Variants in BLM observed in about 807,000 individuals in gnomAD.
The protein encoded by BLM is recQ-like DNA helicase BLM.
In BLM, 95 loss-of-function variants were observed where a neutral mutation model predicts 135.3. The ratio of observed to expected loss-of-function variants is 0.70; its 90% CI spans 0.59 to 0.83. The LOEUF is 0.83. BLM is among the 40% of genes least tolerant of loss of function. The probability of loss-of-function intolerance (pLI) is 0.00; values close to 1 mark genes in which losing one functional copy is unlikely to be tolerated. For synonymous variants in BLM, 520 were observed against 589.2 expected (o/e 0.88, Z 1.70); for missense variants, 1,518 against 1,663.9 (o/e 0.91, Z 1.53).
At position 90,747,668 on chromosome 15, in the gene BLM, T is replaced by C. The variant is rs1895540709; in HGVS notation, c.98+178T>C. 5 of 594,146 alleles carry C rather than the reference T, an allele frequency of 8.4e-6. No individual in the cohort carries two copies. In the South Asian group the frequency reaches 1.0e-4, roughly 12 times the overall value. The allele number at this position is 594,146 out of a possible 1,614,324, so 36.8% of individuals were successfully genotyped here. A position where few individuals can be genotyped will look rare whatever the true frequency, so the allele number is the denominator to read the frequency against. On this transcript the variant is annotated intron_variant, in intron 2 of 21. Coordinates refer to ENST00000355112, the MANE Select transcript of BLM (RefSeq NM_000057.4). ...TATGTTTTAGCAGCACCAGGTGAGA[T>C]TGTGTCTCATCTTTGCATGGTTCCT...
At chr15:90,798,381 T>G (rs1383281025) in intron 17 of BLM, 44 bp downstream of exon 17, 1 of 1,591,124 alleles carries the variant, frequency 6.3e-7, no homozygotes, top group African/African-American at 1.3e-5. Flanking sequence ...CAATTGAAAT[T>G]GAACATCTAA....
rs575389544 is a variant in BLM at position 90,720,221 on chromosome 15, G to C, written c.-5+2781G>C. Among the ~76,000 whole-genome samples the C allele has an allele frequency of 3.2e-4, 48 of 152,200 alleles. 3 individuals are homozygous for C. The South Asian group carries it at 1.0e-2, about 32-fold the overall frequency. On this transcript the variant is annotated intron_variant, in intron 1 of 21. Transcript: ENST00000355112. ...CAGTAATAATGTCTTTCCCATCTCT[G>C]TACTTCAGTGCCTACCATGATGCCT...
Position 90,754,837 on chromosome 15 carries a change from A to T in BLM, c.986A>T (p.Asp329Val). 6.2e-7 allele frequency: 1 copy of T among 1,613,952 alleles called. No individual in the cohort carries two copies. The highest frequency in any genetic ancestry group is 8.5e-7 in the Non-Finnish European group (1 of 1,179,930). The change falls in exon 5 of 22, where the codon GAC (aspartate) becomes GTC (valine). Residue 329 changes from aspartate (D) to valine (V), a missense_variant. Around this residue, in one of 5 missense-constraint regions of BLM, gnomAD observed 724 missense variants for 756.9 expected, o/e 0.96. Coordinates refer to ENST00000355112, the MANE Select transcript of BLM (RefSeq NM_000057.4). ...LSTLKDLDTSDRKEDVLSTSK... is the reference protein window; with the variant it reads ...LSTLKDLDTSVRKEDVLSTSK... ...ACGTTAAAGGACCTTGACACCTCTG[A>T]CAGAAAAGAGGATGTTCTTAGCACA...
chr15:90,790,583 C>G (rs2151184371), intron 14 of BLM, 66 bp from the exon 15 acceptor site: 1 of 1,437,010 alleles, frequency 7.0e-7, no homozygotes, highest in Non-Finnish European at 9.8e-7. Context: ...TTAGAAGCAT[C>G]TATTATGAAA....
chr15:90,728,243 C>T (rs138499212), intron 1 of BLM, among the ~76,000 whole-genome samples: 6 of 152,184 alleles, frequency 3.9e-5, no homozygotes, highest in Non-Finnish European at 8.8e-5. Flanking sequence ...GCTGTGTTGC[C>T]CAGGCTGCTC....
chr15:90,802,855 G>A (rs28385135), intron 17 of BLM, among the ~76,000 whole-genome samples: 23,369 of 152,082 alleles, frequency 0.15, 1,907 homozygotes, highest in Non-Finnish European at 0.19. Context: ...AAATACCTGA[G>A]GGAATGGATG....
intron 14 of BLM, chr15:90,790,402 A>G: frequency 2.0e-6 from 1 of 512,724 alleles, no homozygotes; most frequent in Non-Finnish European, 3.5e-6. Flanking sequence ...ATGCCAAGTC[A>G]TACAAGAAAG....
chr15:90,722,079 G>T (rs1894782538), intron 1 of BLM, among the ~76,000 whole-genome samples: 1 of 152,000 alleles, frequency 6.6e-6, no homozygotes, highest in South Asian at 2.1e-4. Flanking sequence ...AAGGGCAGGA[G>T]TTCGAGACCA....
intron 1 of BLM, among the ~76,000 whole-genome samples, chr15:90,737,682 G>A (rs1895254351): frequency 6.6e-6 from 1 of 152,068 alleles, no homozygotes; most frequent in South Asian, 2.1e-4. Context: ...AGCAGTACTA[G>A]AAAGGAAATT....
intron 4 of BLM, 28 bp from the exon 5 acceptor site, chr15:90,754,783 A>T (rs1467230686): frequency 6.2e-7 from 1 of 1,609,866 alleles, no homozygotes; most frequent in Admixed American, 1.7e-5. Context: ...CTATAGTATG[A>T]TTGGCTTAAC....
At position 90,735,236 on chromosome 15, in the gene BLM, AATATATATATAT is replaced by A. The variant is rs60589046; in HGVS notation, c.-4-12128_-4-12117del. On this transcript the variant is annotated intron_variant, in intron 1 of 21. Transcript: ENST00000355112. ...ACAACATCATAAAAGTGCCTAAGTT[AATATATATATAT>A]ATATATATATATATATATATATATT... Among the ~76,000 whole-genome samples the A allele has an allele frequency of 1.3e-3, 141 of 108,192 alleles. 2 individuals carry two copies. The highest frequency in any genetic ancestry group is 3.7e-3 in the South Asian group (12 of 3,214). The allele number at this position is 108,192 out of a possible 152,430, so 71.0% of individuals were successfully genotyped here. A position where few individuals can be genotyped will look rare whatever the true frequency, so the allele number is the denominator to read the frequency against.
chr15:90,789,593 G>A (rs562354329), intron 14 of BLM, among the ~76,000 whole-genome samples: 3 of 152,050 alleles, frequency 2.0e-5, no homozygotes, highest in Admixed American at 6.5e-5. Flanking sequence ...ATGACTAACC[G>A]AGAGCGCAGG....
At chr15:90,788,494 T>TGTTTTTTTTTTTTTTTTG (rs1896814734) in intron 14 of BLM, among the ~76,000 whole-genome samples, 1 of 106,084 alleles carries the variant, frequency 9.4e-6, no homozygotes, top group Non-Finnish European at 2.0e-5. Flanking sequence ...TTTTTTTTTT[T>TGTTTTTTTTTTTTTTTTG]GGTTTTTTGT....
intron 5 of BLM, among the ~76,000 whole-genome samples, chr15:90,759,830 C>T (rs946604284): frequency 6.6e-6 from 1 of 151,108 alleles, no homozygotes; most frequent in African/African-American, 2.4e-5. Flanking sequence ...TGGTCTCGAA[C>T]TCCTGACCTC....
rs574780639 is a variant in BLM at position 90,758,281 on chromosome 15, G to A, written c.1088-1866G>A. ...GGTGAGTGGATCATTTGAGGTTTAG[G>A]AGTTCGAGTCCAGCCTGCCCAATGT... On this transcript the variant is annotated intron_variant, in intron 5 of 21. Transcript: ENST00000355112. 7.4e-4 allele frequency among the ~76,000 whole-genome samples: 112 copies of A among 152,202 alleles called. No individual in the cohort carries two copies. The South Asian group carries it at 0.014, about 19-fold the overall frequency.
At chr15:90,803,401 G>A (rs111993254) in intron 17 of BLM, 120 bp from the exon 18 acceptor site, 1 of 636,794 alleles carries the variant, frequency 1.6e-6, no homozygotes, top group Non-Finnish European at 2.5e-6. Context: ...TGTCTGTGCC[G>A]GGGTTTGTGA....
intron 10 of BLM, among the ~76,000 whole-genome samples, chr15:90,767,427 C>T (rs1185432364): frequency 6.6e-6 from 1 of 152,212 alleles, no homozygotes; most frequent in Non-Finnish European, 1.5e-5. Flanking sequence ...AATCCCAGAT[C>T]ATGCATGCAT....
rs1897529855 is a variant in BLM at position 90,815,203 on chromosome 15, A to G, written c.4178A>G (p.Asn1393Ser). 1 of 1,614,234 alleles carries G rather than the reference A, an allele frequency of 6.2e-7. No homozygotes were observed. The highest frequency in any genetic ancestry group is 8.5e-7 in the Non-Finnish European group (1 of 1,180,032). The change falls in exon 22 of 22, where the codon AAT becomes AGT. Residue 1393 changes from asparagine to serine, a missense_variant. Around this residue, in one of 5 missense-constraint regions of BLM, gnomAD observed 153 missense variants for 173.4 expected, o/e 0.88. Coordinates refer to ENST00000355112, the MANE Select transcript of BLM (RefSeq NM_000057.4). This position sits in a 1 kb window ranked among gnomAD's most constrained non-coding sequence, Gnocchi z 4.6. ...SHTSQATSGA[N>S]SKLGIMAPPK... ...ACTTCTCAAGCGACATCAGGAGCCA[A>G]TAGCAAATTGGGGATTATGGCTCCA... is the stretch of plus-strand genomic sequence containing the variant.
chr15:90,776,088 C>T (rs1896470047), intron 12 of BLM, among the ~76,000 whole-genome samples: 1 of 152,116 alleles, frequency 6.6e-6, no homozygotes, highest in Non-Finnish European at 1.5e-5. Flanking sequence ...CTCACATAAA[C>T]ATGTAGATGG....
Sources: gnomAD v4.1 joint callset for allele counts (sites outside exome capture counted in the v4.1 genomes callset) on GRCh38, gnomAD v4.1.1 for gene constraint, gnomAD v4.1.1 regional missense constraint, Gnocchi (gnomAD v3.1) non-coding constraint, MANE v1.5 for transcripts, NCBI Gene and HGNC (gene_info 2026-07-23, HGNC 2026-07-21) for gene names.